Variants in KCNT2 observed in about 807,000 individuals in gnomAD.
The protein encoded by KCNT2 is potassium sodium-activated channel subfamily T member 2.
A neutral mutation model predicts 153.8 loss-of-function variants in KCNT2; 67 were observed. The observed-to-expected ratio is 0.44, with a 90% CI of 0.36 to 0.53. The LOEUF (loss-of-function observed/expected upper bound fraction) is 0.53, where lower values mean the gene tolerates loss of function less well. KCNT2 is among the 20% of genes least tolerant of loss of function. The probability of loss-of-function intolerance (pLI) is 0.00; values close to 1 mark genes in which losing one functional copy is unlikely to be tolerated. For synonymous variants in KCNT2, 500 were observed against 458.8 expected (o/e 1.09, Z -1.15); for missense variants, 975 against 1,354.8 (o/e 0.72, Z 4.40).
chr1:196,525,771 A>C (rs1654099616), intron 1 of KCNT2, among the ~76,000 whole-genome samples: 1 of 152,236 alleles, frequency 6.6e-6, no homozygotes, highest in African/African-American at 2.4e-5. Context: ...CAGAATCAAG[A>C]AGTGTGAAAA....
chr1:196,600,807 T>A (rs1245492371), intron 1 of KCNT2, among the ~76,000 whole-genome samples: 1 of 152,216 alleles, frequency 6.6e-6, no homozygotes, highest in Non-Finnish European at 1.5e-5. Context: ...CACTTCTACT[T>A]CTAAAGAAGT....
At chr1:196,604,089 A>T (rs888893008) in intron 1 of KCNT2, among the ~76,000 whole-genome samples, 5 of 152,220 alleles carry the variant, frequency 3.3e-5, no homozygotes, top group African/African-American at 1.2e-4. Context: ...TTGAATATTG[A>T]ATGTTGAATG....
chr1:196,397,305 G>A (rs1236655956), intron 13 of KCNT2, among the ~76,000 whole-genome samples: 3 of 151,346 alleles, frequency 2.0e-5, no homozygotes, highest in African/African-American at 7.3e-5. Flanking sequence ...ATAAAAATAA[G>A]ATAGCCTAGT....
intron 22 of KCNT2, among the ~76,000 whole-genome samples, chr1:196,297,907 A>T (rs564541029): frequency 2.6e-5 from 4 of 152,182 alleles, no homozygotes; most frequent in Non-Finnish European, 5.9e-5. Flanking sequence ...TCAATGTTGT[A>T]ATGCCTAGAA....
chr1:196,485,497 C>T (rs1230845019), intron 3 of KCNT2, among the ~76,000 whole-genome samples: 4 of 151,876 alleles, frequency 2.6e-5, no homozygotes, highest in African/African-American at 4.8e-5. Flanking sequence ...AATCTGCTTA[C>T]GTCAAACTAA....
In KCNT2 at chr1:196,315,817, A is replaced by C; in HGVS notation, c.2483+75T>G. On this transcript the variant is annotated intron_variant, in intron 21 of 27. Coordinates refer to ENST00000294725, the MANE Select transcript of KCNT2 (RefSeq NM_198503.5). ...TTGGTGTGTCTCATGTTCATTCCTC[A>C]CAGAGTCAGTGTCAAATATTTTACC... The C allele has an allele frequency of 2.3e-6, 3 of 1,325,118 alleles. 1 individual carries two copies. In the South Asian group the frequency reaches 4.5e-5, roughly 20 times the overall value. 82.1% of individuals were successfully genotyped at this position (1,325,118 alleles called of 1,614,324 possible). A position where few individuals can be genotyped will look rare whatever the true frequency, so the allele number is the denominator to read the frequency against.
intron 8 of KCNT2, among the ~76,000 whole-genome samples, chr1:196,448,488 T>G (rs1265893410): frequency 1.3e-5 from 2 of 151,654 alleles, no homozygotes; most frequent in Non-Finnish European, 3.0e-5. Flanking sequence ...AACTATGTAT[T>G]TACTCTCTCT....
At chr1:196,450,483 C>T (rs1349410015) in intron 8 of KCNT2, among the ~76,000 whole-genome samples, 1 of 151,818 alleles carries the variant, frequency 6.6e-6, no homozygotes, top group Non-Finnish European at 1.5e-5. Context: ...CATTCCTTTC[C>T]AGATTCCTTT....
intron 1 of KCNT2, among the ~76,000 whole-genome samples, chr1:196,543,667 T>TATGTAATATTTC (rs1338113763): frequency 1.3e-5 from 2 of 152,148 alleles, no homozygotes; most frequent in Non-Finnish European, 2.9e-5. Flanking sequence ...ATGAATAAGG[T>TATGTAATATTTC]ATGTAATATT....
intron 14 of KCNT2, among the ~76,000 whole-genome samples, chr1:196,353,859 T>A (rs545659764): frequency 6.6e-6 from 1 of 152,052 alleles, no homozygotes; most frequent in African/African-American, 2.4e-5. Flanking sequence ...TTTCCCCACA[T>A]CAGTTTTTCC....
At chr1:196,538,993 CTTTTT>C (rs1327487799) in intron 1 of KCNT2, among the ~76,000 whole-genome samples, 1 of 152,112 alleles carries the variant, frequency 6.6e-6, no homozygotes, top group Non-Finnish European at 1.5e-5. Flanking sequence ...TTACCCTCCT[CTTTTT>C]TGTTATGTTA....
rs1466275522 is a variant in KCNT2 at position 196,428,319 on chromosome 1, T to G, written c.820-50A>C. The G allele has an allele frequency of 2.3e-6, 3 of 1,312,252 alleles. No homozygotes were observed. The East Asian group carries it at 7.0e-5, about 30-fold the overall frequency. The allele number at this position is 1,312,252 out of a possible 1,614,324, so 81.3% of individuals were successfully genotyped here. On this transcript the variant is annotated intron_variant, in intron 9 of 27. Transcript: ENST00000294725. ...ATGAAAAACACAGTAAGGAAATAAA[T>G]AAATCAATGCAATACATCTATTGTT...
intron 8 of KCNT2, among the ~76,000 whole-genome samples, chr1:196,464,005 T>C (rs979163654): frequency 2.6e-5 from 4 of 151,910 alleles, no homozygotes; most frequent in Non-Finnish European, 4.4e-5. Flanking sequence ...TTAGTAATCA[T>C]TAATTTTAGT....
intron 1 of KCNT2, among the ~76,000 whole-genome samples, chr1:196,506,179 A>G (rs2148782006): frequency 6.6e-6 from 1 of 152,302 alleles, no homozygotes; most frequent in East Asian, 1.9e-4. Context: ...TGAGCTTCGT[A>G]TATGCATTTG....
Position 196,475,001 on chromosome 1 carries a change from T to A in KCNT2, c.384+4178A>T, listed in dbSNP as rs549818328. ...TTGGTCTGGTTTTCAAAACCTACAG[T>A]CTCAATGAAAGTTTAAACTATTTTA... On this transcript the variant is annotated intron_variant, in intron 5 of 27. Transcript: ENST00000294725. Among the ~76,000 whole-genome samples, 7 of 152,288 alleles carry A rather than the reference T, an allele frequency of 4.6e-5. No homozygotes were observed. The South Asian group carries it at 8.3e-4, about 18-fold the overall frequency.
chr1:196,294,158 C>G (rs150745192), intron 22 of KCNT2, among the ~76,000 whole-genome samples: 2 of 152,158 alleles, frequency 1.3e-5, no homozygotes, highest in African/African-American at 4.8e-5. Flanking sequence ...TAAGATATCA[C>G]CTCATACCTG....
intron 16 of KCNT2, among the ~76,000 whole-genome samples, chr1:196,338,948 CAAAAAAAA>C (rs976388530): frequency 2.7e-5 from 1 of 37,732 alleles, no homozygotes; most frequent in Non-Finnish European, 5.6e-5. Flanking sequence ...TGCTTTTTAG[CAAAAAAAA>C]AAAAAAAAAA....
At chr1:196,278,110 G>A (rs1297606861) in intron 25 of KCNT2, among the ~76,000 whole-genome samples, 1 of 152,024 alleles carries the variant, frequency 6.6e-6, no homozygotes, top group African/African-American at 2.4e-5. Context: ...TCTTTTGCAA[G>A]ATGAATTTTA....
intron 1 of KCNT2, among the ~76,000 whole-genome samples, chr1:196,523,237 G>A (rs1181055762): frequency 7.2e-5 from 11 of 151,986 alleles, no homozygotes; most frequent in South Asian, 6.2e-4. Context: ...CGAACCCACC[G>A]GAAGGAAGAA....
Sources: allele counts gnomAD v4.1 joint callset (sites outside exome capture counted in the v4.1 genomes callset), GRCh38; gene constraint gnomAD v4.1.1; transcripts MANE v1.5; gene names NCBI Gene and HGNC (gene_info 2026-07-23, HGNC 2026-07-21).